Variants in MAPKAP1 observed in about 807,000 individuals in gnomAD.
MAPKAP1 encodes MAPK associated protein 1, also known as target of rapamycin complex 2 subunit MAPKAP1.
Under a neutral mutation model 65.7 loss-of-function variants are expected in MAPKAP1, and 20 were observed. The observed-to-expected ratio is 0.30, with a 90% CI of 0.21 to 0.44. MAPKAP1 has a LOEUF of 0.44. MAPKAP1 is among the 20% of genes least tolerant of loss of function. The probability of loss-of-function intolerance (pLI) is 1.00; values close to 1 mark genes in which losing one functional copy is unlikely to be tolerated. For missense variants in MAPKAP1, 423 were observed against 648.0 expected, an observed-to-expected ratio of 0.65 and a Z score of 3.77; for synonymous variants, 222 against 244.3, an observed-to-expected ratio of 0.91 and a Z score of 0.85.
chr9:125,676,745 A>G (rs1449982091), intron 1 of MAPKAP1, among the ~76,000 whole-genome samples: 1 of 152,258 alleles, frequency 6.6e-6, no homozygotes, highest in African/African-American at 2.4e-5. Context: ...TACACATTTA[A>G]AAATGGTTAA....
At chr9:125,512,120 C>G (rs1449227615) in intron 7 of MAPKAP1, among the ~76,000 whole-genome samples, 1 of 152,214 alleles carries the variant, frequency 6.6e-6, no homozygotes, top group African/African-American at 2.4e-5. Context: ...GCAGCTTCCT[C>G]GATCCCTTTA....
At chr9:125,650,377 A>G (rs1035119712) in intron 4 of MAPKAP1, 11 of 152,190 alleles carry the variant, frequency 7.2e-5, no homozygotes, top group African/African-American at 2.7e-4. Flanking sequence ...GTCTTCCCCC[A>G]GAGCTTCACT....
chr9:125,461,442 T>A (rs1378120959), intron 10 of MAPKAP1, among the ~76,000 whole-genome samples: 1 of 152,210 alleles, frequency 6.6e-6, no homozygotes, highest in Non-Finnish European at 1.5e-5. Context: ...AAGGCGAGCC[T>A]TGTAAATGTC....
chr9:125,639,036 C>T (rs770731262), intron 4 of MAPKAP1, among the ~76,000 whole-genome samples: 47 of 152,122 alleles, frequency 3.1e-4, no homozygotes, highest in Non-Finnish European at 5.6e-4. Flanking sequence ...GCCAGGAGTT[C>T]GAGACCAGCC....
intron 7 of MAPKAP1, among the ~76,000 whole-genome samples, chr9:125,518,273 T>G (rs1829520697): frequency 1.3e-5 from 2 of 152,236 alleles, no homozygotes; most frequent in Non-Finnish European, 2.9e-5. Context: ...GTCATATGGT[T>G]GTTGTAAGAA....
chr9:125,619,691 G>C (rs889800016), intron 4 of MAPKAP1, among the ~76,000 whole-genome samples: 2 of 151,296 alleles, frequency 1.3e-5, no homozygotes, highest in Non-Finnish European at 2.9e-5. Context: ...CAAATACCTA[G>C]GAAGAAAATG....
At chr9:125,656,794 C>T (rs1056892610) in intron 4 of MAPKAP1, among the ~76,000 whole-genome samples, 3 of 152,092 alleles carry the variant, frequency 2.0e-5, no homozygotes, top group African/African-American at 7.2e-5. Context: ...AAAAATCAAC[C>T]GCTACTGTCT....
intron 10 of MAPKAP1, among the ~76,000 whole-genome samples, chr9:125,453,870 GA>G (rs1853057420): frequency 6.6e-6 from 1 of 152,184 alleles, no homozygotes; most frequent in South Asian, 2.1e-4. Flanking sequence ...CTCAGTGATG[GA>G]AATTTCCCAA....
At chr9:125,671,591 A>C (rs1395807479) in intron 2 of MAPKAP1, among the ~76,000 whole-genome samples, 1 of 148,926 alleles carries the variant, frequency 6.7e-6, no homozygotes, top group South Asian at 2.1e-4. Context: ...TTGTCTAAGT[A>C]AAAAAAAAAG....
intron 11 of MAPKAP1, among the ~76,000 whole-genome samples, chr9:125,440,795 G>A (rs1264246189): frequency 1.3e-5 from 2 of 152,186 alleles, no homozygotes; most frequent in African/African-American, 4.8e-5. Flanking sequence ...TTGATGATTT[G>A]GGACAATACA....
rs139511800 is a variant in MAPKAP1, at chr9:125,616,858, C to A, written c.499-31131G>T. The stretch of plus-strand genomic sequence containing the variant: ...AGTTTTCAAACCATGGTCCTGAGGG[C>A]TAGGAAATCAATTTAGCCAATTTCA... On this transcript the variant is annotated intron_variant, in intron 4 of 11. Transcript: ENST00000265960. 2.3e-3 allele frequency among the ~76,000 whole-genome samples: 346 copies of A among 152,152 alleles called. 2 individuals are homozygous for A. The highest frequency in any genetic ancestry group is 8.0e-3 in the African/African-American group (332 of 41,498).
Position 125,597,133 on chromosome 9 carries a change from T to C in MAPKAP1, c.499-11406A>G, listed in dbSNP as rs562060572. ...ACAAAAAATTAGCCGGGCGTGGTGG[T>C]GGGCGCCTGTAGTCCCAGCTACTTG... is the stretch of plus-strand genomic sequence containing the variant. On this transcript the variant is annotated intron_variant, in intron 4 of 11. Transcript: ENST00000265960. Among the ~76,000 whole-genome samples, 116 of 151,448 alleles carry C rather than the reference T, an allele frequency of 7.7e-4. No homozygotes were observed. The East Asian group carries it at 0.011, about 14-fold the overall frequency.
At chr9:125,644,272 T>G (rs1833662713) in intron 4 of MAPKAP1, among the ~76,000 whole-genome samples, 1 of 152,178 alleles carries the variant, frequency 6.6e-6, no homozygotes, top group Admixed American at 6.5e-5. Flanking sequence ...CCATTTAAGT[T>G]ATTTTCATTA....
intron 1 of MAPKAP1, among the ~76,000 whole-genome samples, chr9:125,684,977 C>G (rs1369855963): frequency 6.6e-6 from 1 of 152,228 alleles, no homozygotes; most frequent in Non-Finnish European, 1.5e-5. Flanking sequence ...CCGGCTTGCT[C>G]CCTCCATGTG....
chr9:125,656,043 A>G (rs1052026009), intron 4 of MAPKAP1, among the ~76,000 whole-genome samples: 3 of 152,208 alleles, frequency 2.0e-5, no homozygotes, highest in Non-Finnish European at 4.4e-5. Flanking sequence ...GTATAAAGAG[A>G]ATTATAGAGT....
chr9:125,566,966 T>C (rs992227956), intron 5 of MAPKAP1, among the ~76,000 whole-genome samples: 1 of 152,126 alleles, frequency 6.6e-6, no homozygotes, highest in African/African-American at 2.4e-5. Flanking sequence ...CTATCCCTCC[T>C]AGTCACACAG....
intron 1 of MAPKAP1, among the ~76,000 whole-genome samples, chr9:125,683,132 A>AT (rs1834873484): frequency 6.6e-6 from 1 of 151,270 alleles, no homozygotes; most frequent in African/African-American, 2.4e-5. Context: ...ATTTTTTTGT[A>AT]TTTTTAGTAG....
intron 8 of MAPKAP1, among the ~76,000 whole-genome samples, chr9:125,491,398 G>A (rs1354979400): frequency 6.7e-6 from 1 of 150,230 alleles, no homozygotes; most frequent in Non-Finnish European, 1.5e-5. Context: ...CTGTGATCAC[G>A]CCACTGCACT....
At chr9:125,519,913 C>T (rs1256495529) in intron 7 of MAPKAP1, among the ~76,000 whole-genome samples, 1 of 152,052 alleles carries the variant, frequency 6.6e-6, no homozygotes, top group Non-Finnish European at 1.5e-5. Context: ...AGGAGTCCAT[C>T]CCTACAGCCT....
Sources: allele counts gnomAD v4.1 joint callset (sites outside exome capture counted in the v4.1 genomes callset), GRCh38; gene constraint gnomAD v4.1.1; transcripts MANE v1.5; gene names NCBI Gene and HGNC (gene_info 2026-07-23, HGNC 2026-07-21).